ABCB1: variants seen among roughly 807,000 people sequenced by gnomAD.
ABCB1 encodes the protein ATP-dependent translocase ABCB1.
In ABCB1, 69 loss-of-function variants were observed where a neutral mutation model predicts 142.0. The ratio of observed to expected loss-of-function variants is 0.49; its 90% CI spans 0.40 to 0.59. ABCB1 has a LOEUF of 0.59. Among genes scored for constraint, ABCB1 ranks in the 20% least tolerant of loss-of-function variants. The pLI is 0.00. For missense variants in ABCB1, 1,326 were observed against 1,554.7 expected, an observed-to-expected ratio of 0.85 and a Z score of 2.47; for synonymous variants, 532 against 539.2, an observed-to-expected ratio of 0.99 and a Z score of 0.18.
chr7:87,646,365 T>C (rs1204178970), intron 1 of ABCB1, among the ~76,000 whole-genome samples: 1 of 152,182 alleles, frequency 6.6e-6, no homozygotes, highest in African/African-American at 2.4e-5. Flanking sequence ...GTGACTAAAA[T>C]CTTATCAGAC....
intron 7 of ABCB1, chr7:87,564,121 G>A (rs780335681): frequency 4.0e-5 from 18 of 451,420 alleles, no homozygotes; most frequent in South Asian, 1.6e-4. Context: ...CATGACACAA[G>A]TTTCCTATGG....
intron 3 of ABCB1, among the ~76,000 whole-genome samples, chr7:87,592,325 T>C (rs1371750860): frequency 6.6e-6 from 1 of 152,214 alleles, no homozygotes; most frequent in Non-Finnish European, 1.5e-5. Flanking sequence ...AGACTAAAAC[T>C]CTGTCATAAC....
intron 2 of ABCB1, among the ~76,000 whole-genome samples, chr7:87,596,143 A>G (rs1819200054): frequency 6.6e-6 from 1 of 152,052 alleles, no homozygotes; most frequent in African/African-American, 2.4e-5. Flanking sequence ...ACATACTGAA[A>G]AGAGTTCCCT....
intron 14 of ABCB1, among the ~76,000 whole-genome samples, chr7:87,546,384 C>G (rs555760096): frequency 1.3e-5 from 2 of 151,842 alleles, no homozygotes; most frequent in South Asian, 4.2e-4. Context: ...GTCAGGAGAT[C>G]AAGACCATCC....
rs561253495 is a variant in ABCB1 at position 87,644,988 on chromosome 7, A to G, written c.-330-43910T>C. Among the ~76,000 whole-genome samples, 14 of 152,040 alleles carry G rather than the reference A, an allele frequency of 9.2e-5. No homozygotes were observed. In the South Asian group the frequency reaches 2.9e-3, roughly 32 times the overall value. Reference sequence around the variant, plus strand: ...TAATATGTTTTAAACAGTTTTGGTAACCATCTCATTTCTCTTGCTATGATG... The same window carrying G: ...TAATATGTTTTAAACAGTTTTGGTAGCCATCTCATTTCTCTTGCTATGATG... On this transcript the variant is annotated intron_variant, in intron 1 of 28. Coordinates refer to the ABCB1 transcript ENST00000265724.
chr7:87,555,510 T>G (rs772742083), intron 8 of ABCB1, among the ~76,000 whole-genome samples: 14 of 152,204 alleles, frequency 9.2e-5, no homozygotes, highest in Non-Finnish European at 1.9e-4. Context: ...CATGACTACT[T>G]TAACTAGGTA....
chr7:87,539,444 A>T, intron 18 of ABCB1, 99 bp from the exon 19 acceptor site: 1 of 1,197,782 alleles, frequency 8.3e-7, no homozygotes. Flanking sequence ...AGACAAAGTC[A>T]GAAAGCCTGA....
At chr7:87,683,342 G>T (rs778573455) in intron 1 of ABCB1, among the ~76,000 whole-genome samples, 2 of 151,978 alleles carry the variant, frequency 1.3e-5, no homozygotes, top group Non-Finnish European at 2.9e-5. Context: ...CTTTTTCTTT[G>T]TATTCACCAC....
intron 1 of ABCB1, among the ~76,000 whole-genome samples, chr7:87,623,838 AAAT>A (rs1820313616): frequency 6.6e-6 from 1 of 152,168 alleles, no homozygotes; most frequent in Non-Finnish European, 1.5e-5. Context: ...CTTCTGTGAA[AAAT>A]AATGACATGA....
chr7:87,609,858 A>G (rs981648684), intron 1 of ABCB1, among the ~76,000 whole-genome samples: 5 of 151,746 alleles, frequency 3.3e-5, no homozygotes, highest in African/African-American at 4.8e-5. Context: ...CAAGATTTGA[A>G]AAAAAAAATG....
At chr7:87,545,048 C>T in intron 15 of ABCB1, 49 bp from the exon 16 acceptor site, 1 of 1,547,634 alleles carries the variant, frequency 6.5e-7, no homozygotes, top group Non-Finnish European at 8.9e-7. Context: ...GTGTGTTAAC[C>T]AATGAAAGCT....
intron 1 of ABCB1, chr7:87,709,200 G>A: frequency 1.0e-6 from 1 of 974,280 alleles, no homozygotes; most frequent in Non-Finnish European, 1.2e-6. Context: ...TAATAAATCA[G>A]GAAGCAAGAT....
chr7:87,674,208 G>A (rs753590610), intron 1 of ABCB1, among the ~76,000 whole-genome samples: 8 of 152,214 alleles, frequency 5.3e-5, no homozygotes, highest in Non-Finnish European at 8.8e-5. Flanking sequence ...ATCTGCAGAA[G>A]TATAGCGAGG....
intron 1 of ABCB1, among the ~76,000 whole-genome samples, chr7:87,699,691 C>G (rs1483441857): frequency 6.6e-6 from 1 of 152,212 alleles, no homozygotes; most frequent in African/African-American, 2.4e-5. Context: ...CAAGCATGAG[C>G]TACCATGCCC....
chr7:87,669,687 G>A (rs1825640692), intron 1 of ABCB1, among the ~76,000 whole-genome samples: 1 of 152,176 alleles, frequency 6.6e-6, no homozygotes, highest in African/African-American at 2.4e-5. Flanking sequence ...TCCCTCAAGA[G>A]TTGTTTATCT....
intron 5 of ABCB1, among the ~76,000 whole-genome samples, chr7:87,568,266 T>TAATAATAATAATAATAATAA (rs377151956): frequency 0.018 from 2,586 of 145,536 alleles, 81 homozygotes; most frequent in African/African-American, 0.058. Flanking sequence ...ATAATAATAA[T>TAATAATAATAATAATAATAA]AAAAATTAGC....
rs144008964 is a variant in ABCB1 at position 87,665,433 on chromosome 7, TAG to T, written c.-331+47726_-331+47727del. On this transcript the variant is annotated intron_variant, in intron 1 of 28. Coordinates refer to the ABCB1 transcript ENST00000265724. ...TACTAAACATTGATTAAATAAATTG[TAG>T]AAGACACAAATAAATAGAAATATAT... Among the ~76,000 whole-genome samples the T allele has an allele frequency of 3.1e-3, 473 of 152,276 alleles. 6 individuals carry two copies. The East Asian group carries it at 0.049, about 16-fold the overall frequency.
intron 1 of ABCB1, among the ~76,000 whole-genome samples, chr7:87,648,723 A>G (rs951648447): frequency 3.9e-5 from 6 of 152,166 alleles, no homozygotes; most frequent in Non-Finnish European, 5.9e-5. Context: ...AACTGGTTGT[A>G]AGAAAGTTTT....
In ABCB1 at chr7:87,542,938, C is replaced by T. The variant is rs186602729; in HGVS notation, c.2211+1191G>A. On this transcript the variant is annotated intron_variant, in intron 17 of 27. Coordinates refer to ENST00000622132, the MANE Select transcript of ABCB1 (RefSeq NM_001348946.2). Reference sequence around the variant, plus strand: ...AAAGTTTGCTGACTCCTGCCCTGGACCATATACTCTACAGAATCAGACATT... The same window carrying T: ...AAAGTTTGCTGACTCCTGCCCTGGATCATATACTCTACAGAATCAGACATT... Among the ~76,000 whole-genome samples, 180 of 152,252 alleles carry T rather than the reference C, an allele frequency of 1.2e-3. 2 individuals are homozygous for T. The highest frequency in any genetic ancestry group is 4.2e-3 in the African/African-American group (174 of 41,536).
Sources: gnomAD v4.1 joint callset for allele counts (sites outside exome capture counted in the v4.1 genomes callset) on GRCh38, gnomAD v4.1.1 for gene constraint, MANE v1.5 for transcripts, NCBI Gene and HGNC (gene_info 2026-07-23, HGNC 2026-07-21) for gene names.